KCNQ1OT1: variants seen among roughly 807,000 people sequenced by gnomAD.
KCNQ1OT1 encodes KCNQ1 antisense RNA 2 (non-protein coding).
chr11:2,655,983 T>G, exon 1 of KCNQ1OT1: 1 of 398,666 alleles, frequency 2.5e-6, no homozygotes, highest in Non-Finnish European at 4.4e-6. Context: ...GGCAGCCAAC[T>G]GATGTGCACA....
At chr11:2,648,117 A>G in exon 1 of KCNQ1OT1, 1 of 164,300 alleles carries the variant, frequency 6.1e-6, no homozygotes, top group Non-Finnish European at 1.2e-5. Context: ...AGGCAGGAGG[A>G]TTGCTTGAGC....
chr11:2,660,480 G>A (rs946260179), exon 1 of KCNQ1OT1: 8 of 398,436 alleles, frequency 2.0e-5, no homozygotes, highest in African/African-American at 1.4e-4. Flanking sequence ...ACAGACTGGG[G>A]AAGCTATCTA....
chr11:2,642,652 T>A lies in KCNQ1OT1; in HGVS notation n.57343A>T, dbSNP rs1304015292. ...ATTGATCCTTTATATTTATTTAGTT[T>A]CTTGTTTAGTTCTGCTCTGATCTTC... On this transcript the variant is annotated non_coding_transcript_exon_variant, in exon 1 of 1. Transcript: ENST00000597346. This position sits in a 1 kb window ranked among gnomAD's most constrained non-coding sequence, Gnocchi z 4.3. 2.5e-6 allele frequency: 1 copy of A among 397,862 alleles called. No homozygotes were observed. The highest frequency in any genetic ancestry group is 2.1e-5 in the African/African-American group (1 of 48,628). The allele number at this position is 397,862 out of a possible 1,614,324, so 24.6% of individuals were successfully genotyped here.
At chr11:2,656,830 C>T (rs1849858163) in exon 1 of KCNQ1OT1, 2 of 398,396 alleles carry the variant, frequency 5.0e-6, no homozygotes, top group Non-Finnish European at 8.8e-6. Flanking sequence ...GTCATGTGAC[C>T]TTTATAGTTA....
exon 1 of KCNQ1OT1, chr11:2,667,177 C>T (rs1016496317): frequency 7.5e-6 from 3 of 398,580 alleles, no homozygotes; most frequent in Non-Finnish European, 1.3e-5. Flanking sequence ...TCCAGCCTGC[C>T]ATCAGCCCAG....
At chr11:2,637,691 C>G (rs1383592392) in exon 1 of KCNQ1OT1, 1 of 152,200 alleles carries the variant, frequency 6.6e-6, no homozygotes, top group Non-Finnish European at 1.5e-5. Context: ...CTGTAGATGT[C>G]TATTAGGTCC....
At chr11:2,649,557 G>T in exon 1 of KCNQ1OT1, 1 of 398,566 alleles carries the variant, frequency 2.5e-6, no homozygotes, top group East Asian at 3.6e-5. Context: ...GGATAGCTTT[G>T]CTGGGTATAG....
chr11:2,629,402 C>T (rs1041090786), exon 1 of KCNQ1OT1: 2 of 398,274 alleles, frequency 5.0e-6, no homozygotes, highest in Admixed American at 4.4e-5. Flanking sequence ...GAAGTCAATA[C>T]CAAATCCAAT....
Position 2,652,381 on chromosome 11 carries a change from T to C in KCNQ1OT1, n.47614A>G. The C allele has an allele frequency of 2.5e-6, 1 of 398,680 alleles. No homozygotes were observed. The highest frequency in any genetic ancestry group is 4.4e-6 in the Non-Finnish European group (1 of 226,074). The allele number at this position is 398,680 out of a possible 1,614,324, so 24.7% of individuals were successfully genotyped here. A position where few individuals can be genotyped will look rare whatever the true frequency, so the allele number is the denominator to read the frequency against. On this transcript the variant is annotated non_coding_transcript_exon_variant, in exon 1 of 1. Coordinates refer to ENST00000597346, the Ensembl canonical transcript of KCNQ1OT1. The surrounding 1 kb of genome is among the most constrained non-coding windows in gnomAD (Gnocchi z 5.9). ...ATGAAGGTGAAAAGATCGCTCTTAA[T>C]TAGATTAAAAACATTTTTTTCTTCC...
At position 2,673,398 on chromosome 11, in the gene KCNQ1OT1, C is replaced by G. The variant is rs1850222869; in HGVS notation, n.26597G>C. ...GAGCTCCCCTTGGCCTTTGTTTAGC[C>G]CACCTTCTGCCTAGGCACCAGGCCT... On this transcript the variant is annotated non_coding_transcript_exon_variant, in exon 1 of 1. Coordinates refer to ENST00000597346, the Ensembl canonical transcript of KCNQ1OT1. This position sits in a 1 kb window ranked among gnomAD's most constrained non-coding sequence, Gnocchi z 4.5. 7.5e-6 allele frequency: 3 copies of G among 398,680 alleles called. No homozygotes were observed. The East Asian group carries it at 1.1e-4, about 14-fold the overall frequency. The allele number at this position is 398,680 out of a possible 1,614,324, so 24.7% of individuals were successfully genotyped here.
Position 2,664,589 on chromosome 11 carries a change from T to A in KCNQ1OT1, n.35406A>T, listed in dbSNP as rs1850030237. ...TCTTCTGCCCGCATTGGGGCTGCATTCCTCCACCTCCTGCACAGCCCGCCC... is the reference window on the plus strand; with the variant it reads ...TCTTCTGCCCGCATTGGGGCTGCATACCTCCACCTCCTGCACAGCCCGCCC... On this transcript the variant is annotated non_coding_transcript_exon_variant, in exon 1 of 1. Transcript: ENST00000597346. The surrounding 1 kb of genome is among the most constrained non-coding windows in gnomAD (Gnocchi z 5.1). 2.5e-6 allele frequency: 1 copy of A among 398,448 alleles called. No homozygotes were observed. The highest frequency in any genetic ancestry group is 2.1e-5 in the African/African-American group (1 of 48,596). The allele number at this position is 398,448 out of a possible 1,614,324, so 24.7% of individuals were successfully genotyped here.
rs1850146575 is a variant in KCNQ1OT1, at chr11:2,669,686, A to G, written n.30309T>C. On this transcript the variant is annotated non_coding_transcript_exon_variant, in exon 1 of 1. Coordinates refer to ENST00000597346, the Ensembl canonical transcript of KCNQ1OT1. The surrounding 1 kb of genome is among the most constrained non-coding windows in gnomAD (Gnocchi z 5.6). Reference sequence around the variant, plus strand: ...ACAGTATTAGTGTAAGGCCTTGAGGAGATGGTGTTAGGCATCCAGCCACAT... The same window carrying G: ...ACAGTATTAGTGTAAGGCCTTGAGGGGATGGTGTTAGGCATCCAGCCACAT... 1.0e-5 allele frequency: 4 copies of G among 398,560 alleles called. No individual in the cohort carries two copies. The South Asian group carries it at 5.1e-4, about 51-fold the overall frequency. The allele number at this position is 398,560 out of a possible 1,614,324, so 24.7% of individuals were successfully genotyped here.
chr11:2,697,884 C>T (rs1850705521), exon 1 of KCNQ1OT1: 1 of 398,666 alleles, frequency 2.5e-6, no homozygotes, highest in African/African-American at 2.1e-5. Flanking sequence ...AAAAATCCCT[C>T]TAGCTGGAGC....
Position 2,653,552 on chromosome 11 carries a change from T to TCCCTTCCCGTTCC in KCNQ1OT1, n.46430_46442dup. 1 of 398,822 alleles carries TCCCTTCCCGTTCC rather than the reference T, an allele frequency of 2.5e-6. No homozygotes were observed. Among genetic ancestry groups the TCCCTTCCCGTTCC allele is most frequent in the East Asian group, 3.6e-5 (1 of 28,078 alleles). 24.7% of individuals were successfully genotyped at this position (398,822 alleles called of 1,614,324 possible). A position where few individuals can be genotyped will look rare whatever the true frequency, so the allele number is the denominator to read the frequency against. ...ACTCTCCCCTCTTGCACTCCCCTTCTCCCTTCCCGTTCCCTCTTTTGTTCT... is the reference window on the plus strand; with the variant it reads ...ACTCTCCCCTCTTGCACTCCCCTTCTCCCTTCCCGTTCCCCCTTCCCGTTCCCTCTTTTGTTCT... On this transcript the variant is annotated non_coding_transcript_exon_variant, in exon 1 of 1. Coordinates refer to ENST00000597346, the Ensembl canonical transcript of KCNQ1OT1. This position sits in a 1 kb window ranked among gnomAD's most constrained non-coding sequence, Gnocchi z 5.3.
Position 2,641,787 on chromosome 11 carries a change from C to T in KCNQ1OT1, n.58208G>A, listed in dbSNP as rs1266438162. 4.0e-5 allele frequency: 16 copies of T among 398,270 alleles called. No individual in the cohort carries two copies. The Admixed American group carries it at 7.0e-4, about 18-fold the overall frequency. The allele number at this position is 398,270 out of a possible 1,614,324, so 24.7% of individuals were successfully genotyped here. ...ATAGTTTCATGCCTCATGTTTAAGT[C>T]TTTAACCCATCTTGAGTTGATTTTA... On this transcript the variant is annotated non_coding_transcript_exon_variant, in exon 1 of 1. Coordinates refer to ENST00000597346, the Ensembl canonical transcript of KCNQ1OT1.
chr11:2,652,242 A>G lies in KCNQ1OT1; in HGVS notation n.47753T>C. ...ATGCTGAGAATGAGGCCTGCAACTC[A>G]TTTCCCCATTAAACATTCTGAGAAC... is the stretch of plus-strand genomic sequence containing the variant. On this transcript the variant is annotated non_coding_transcript_exon_variant, in exon 1 of 1. Coordinates refer to ENST00000597346, the Ensembl canonical transcript of KCNQ1OT1. This position sits in a 1 kb window ranked among gnomAD's most constrained non-coding sequence, Gnocchi z 5.9. 2.5e-6 allele frequency: 1 copy of G among 398,598 alleles called. No individual in the cohort carries two copies. The highest frequency in any genetic ancestry group is 4.4e-6 in the Non-Finnish European group (1 of 226,072). 24.7% of individuals were successfully genotyped at this position (398,598 alleles called of 1,614,324 possible).
In KCNQ1OT1 at chr11:2,698,560, A is replaced by T. The variant is rs1238497380; in HGVS notation, n.1435T>A. ...ACTGCAACCTTTACTTCGCCCCCTA[A>T]TTCCTGACTCAGAATCCCCACCTAG... On this transcript the variant is annotated non_coding_transcript_exon_variant, in exon 1 of 1. Coordinates refer to ENST00000597346, the Ensembl canonical transcript of KCNQ1OT1. This position sits in a 1 kb window ranked among gnomAD's most constrained non-coding sequence, Gnocchi z 5.1. 1 of 398,042 alleles carries T rather than the reference A, an allele frequency of 2.5e-6. No individual in the cohort carries two copies. The highest frequency in any genetic ancestry group is 4.4e-5 in the Admixed American group (1 of 22,684). The allele number at this position is 398,042 out of a possible 1,614,324, so 24.7% of individuals were successfully genotyped here. A position where few individuals can be genotyped will look rare whatever the true frequency, so the allele number is the denominator to read the frequency against.
At position 2,671,974 on chromosome 11, in the gene KCNQ1OT1, G is replaced by C; in HGVS notation, n.28021C>G. 2.5e-6 allele frequency: 1 copy of C among 398,570 alleles called. No individual in the cohort carries two copies. The highest frequency in any genetic ancestry group is 4.4e-5 in the Admixed American group (1 of 22,728). 24.7% of individuals were successfully genotyped at this position (398,570 alleles called of 1,614,324 possible). A position where few individuals can be genotyped will look rare whatever the true frequency, so the allele number is the denominator to read the frequency against. On this transcript the variant is annotated non_coding_transcript_exon_variant, in exon 1 of 1. Transcript: ENST00000597346. The surrounding 1 kb of genome is among the most constrained non-coding windows in gnomAD (Gnocchi z 4.7). ...GTAGAAAGAGTGGGCTAAAAAGTCAGCTAGCACCCCTGACTTCAAGTCCTC... is the reference window on the plus strand; with the variant it reads ...GTAGAAAGAGTGGGCTAAAAAGTCACCTAGCACCCCTGACTTCAAGTCCTC...
chr11:2,661,948 A>G lies in KCNQ1OT1; in HGVS notation n.38047T>C, dbSNP rs747187696. The G allele has an allele frequency of 6.2e-7, 1 of 1,614,118 alleles. No individual in the cohort carries two copies. ...GGGAGGCCTAACGTGCTGTCCCCAC[A>G]CTTTCTCCTCAGTAAGGAAGAGCCC... On this transcript the variant is annotated non_coding_transcript_exon_variant, in exon 1 of 1. Coordinates refer to ENST00000597346, the Ensembl canonical transcript of KCNQ1OT1. The surrounding 1 kb of genome is among the most constrained non-coding windows in gnomAD (Gnocchi z 5.9).
Sources: gnomAD v4.1 joint callset for allele counts on GRCh38, gnomAD v4.1.1 for gene constraint, Gnocchi (gnomAD v3.1) non-coding constraint, MANE v1.5 for transcripts, NCBI Gene and HGNC (gene_info 2026-07-23, HGNC 2026-07-21) for gene names.